The following RDX variants were observed in gnomAD, a reference collection of about 807,000 sequenced individuals.
The protein encoded by RDX is deafness, autosomal recessive 24.
Under a neutral mutation model 83.7 loss-of-function variants are expected in RDX, and 32 were observed. The ratio of observed to expected loss-of-function variants is 0.38; its 90% confidence interval spans 0.29 to 0.51. RDX has a LOEUF of 0.51. Ranked by LOEUF, RDX falls within the 20% of genes least tolerant of loss-of-function variation. The pLI is 0.87. For missense variants in RDX, 600 were observed against 689.9 expected (o/e 0.87, Z 1.46); for synonymous variants, 229 against 222.7 (o/e 1.03, Z -0.25).
Position 110,231,847 on chromosome 11 carries a change from C to T in RDX, c.*22G>A. 1 of 1,611,538 alleles carries T rather than the reference C, an allele frequency of 6.2e-7. No individual in the cohort carries two copies. Among genetic ancestry groups the T allele is most frequent in the Middle Eastern group, 2.2e-4 (1 of 4,494 alleles). On this transcript the variant is annotated 3_prime_UTR_variant, in exon 14 of 14. Coordinates refer to ENST00000645495, the MANE Select transcript of RDX (RefSeq NM_002906.4). ...TGTTGGTGGTTCAGCTTATGAAGAA[C>T]ATATATGCAAAATAACAGCTCTCAC...
intron 1 of RDX, among the ~76,000 whole-genome samples, chr11:110,283,817 A>G (rs930485728): frequency 1.3e-5 from 2 of 152,094 alleles, no homozygotes; most frequent in East Asian, 3.8e-4. Flanking sequence ...AAAACAGATA[A>G]ATATATTTTA....
intron 3 of RDX, 128 bp from the exon 4 acceptor site, chr11:110,265,002 G>T (rs943060238): frequency 3.5e-5 from 20 of 566,180 alleles, no homozygotes; most frequent in Non-Finnish European, 6.1e-5. Flanking sequence ...CATAGAAAAG[G>T]CTTTCCCTAA....
intron 14 of RDX, among the ~76,000 whole-genome samples, chr11:110,224,229 A>AC (rs909987311): frequency 2.0e-5 from 3 of 151,162 alleles, no homozygotes; most frequent in African/African-American, 7.3e-5. Flanking sequence ...ATTAAAAAAA[A>AC]AAAACAAAAA....
At chr11:110,276,877 T>C (rs1208374733) in intron 2 of RDX, among the ~76,000 whole-genome samples, 1 of 152,236 alleles carries the variant, frequency 6.6e-6, no homozygotes, top group East Asian at 1.9e-4. Context: ...GACTATCACT[T>C]GTAGTGAATT....
chr11:110,209,706 A>C (rs6589119), intron 14 of RDX, among the ~76,000 whole-genome samples: 2 of 146,946 alleles, frequency 1.4e-5, no homozygotes, highest in East Asian at 4.2e-4. Flanking sequence ...CCTAACTGGG[A>C]GGCACCCCCC....
chr11:110,206,149 T>A (rs1258869156), intron 14 of RDX, among the ~76,000 whole-genome samples: 1 of 148,976 alleles, frequency 6.7e-6, no homozygotes, highest in Non-Finnish European at 1.5e-5. Context: ...CCCAGCTGCT[T>A]GGGAGGCTGC....
At chr11:110,227,182 G>GA (rs940821491), downstream of RDX, among the ~76,000 whole-genome samples, 1 of 151,726 alleles carries the variant, frequency 6.6e-6, no homozygotes, top group African/African-American at 2.4e-5. Context: ...TATTTAAGTT[G>GA]AAAAAAATAA....
chr11:110,255,305 A>G lies in RDX; in HGVS notation c.779T>C (p.Ile260Thr), dbSNP rs997759369. ...FNDKKFVIKP[I>T]DKKAPDFVFY... is the part of the protein sequence containing the mutation. ...ATTACTTACAGGTGCCTTTTTGTCG[A>G]TTGGCTTTATAACAAATTTTTTGTC... is the stretch of plus-strand genomic sequence containing the variant. The change falls in exon 8 of 14, where the codon ATC becomes ACC. Residue 260 changes from isoleucine to threonine, a missense_variant. Physicochemically the swap from Ile to Thr is moderately conservative, Grantham distance 89. Coordinates refer to ENST00000645495, the MANE Select transcript of RDX (RefSeq NM_002906.4). The G allele has an allele frequency of 1.9e-6, 3 of 1,577,352 alleles. No individual in the cohort carries two copies. Among genetic ancestry groups the G allele is most frequent in the Non-Finnish European group, 2.6e-6 (3 of 1,147,678 alleles).
chr11:110,230,836 T>C lies in RDX; in HGVS notation c.*1033A>G, dbSNP rs1301972203. 2.6e-5 allele frequency: 4 copies of C among 152,616 alleles called. No individual in the cohort carries two copies. Among genetic ancestry groups the C allele is most frequent in the Admixed American group, 2.6e-4 (4 of 15,268 alleles). 9.5% of individuals were successfully genotyped at this position (152,616 alleles called of 1,614,324 possible). A position where few individuals can be genotyped will look rare whatever the true frequency, so the allele number is the denominator to read the frequency against. ...CTATGGTTATGAATTATAAAACATA[T>C]ACCTTACACACTCCATTGTGTTTGA... On this transcript the variant is annotated 3_prime_UTR_variant, in exon 14 of 14. Transcript: ENST00000645495.
At chr11:110,201,262 T>C (rs1000582492) in intron 14 of RDX, among the ~76,000 whole-genome samples, 8 of 152,006 alleles carry the variant, frequency 5.3e-5, no homozygotes, top group South Asian at 2.1e-4. Context: ...TTATTCTCAC[T>C]GTGATTAACT....
chr11:110,255,777 T>C (rs553055463), intron 7 of RDX, among the ~76,000 whole-genome samples: 2 of 152,262 alleles, frequency 1.3e-5, no homozygotes, highest in East Asian at 1.9e-4. Context: ...AAGGCCTTTA[T>C]AACTTCTCAT....
At chr11:110,198,676 A>G (rs1318338627) in intron 15 of RDX, among the ~76,000 whole-genome samples, 1 of 152,114 alleles carries the variant, frequency 6.6e-6, no homozygotes, top group Non-Finnish European at 1.5e-5. Context: ...CCCCAAAACC[A>G]TCCCCTCCAC....
rs1251749976 is a variant in RDX, at chr11:110,254,080, T to C, written c.825A>G (p.Arg275=). ...PDFVFYAPRL[R]INKRILALCM... is the part of the protein sequence containing the mutation. ...ATAAGGCCAAAATCCGCTTATTGATTCTCAGACGAGGTGCATAAAACACAA... is the reference window on the plus strand; with the variant it reads ...ATAAGGCCAAAATCCGCTTATTGATCCTCAGACGAGGTGCATAAAACACAA... The change falls in exon 9 of 14, where the codon AGA becomes AGG. Residue 275 remains arginine, a synonymous_variant. Transcript: ENST00000645495. 4 of 1,613,600 alleles carry C rather than the reference T, an allele frequency of 2.5e-6. No homozygotes were observed. The highest frequency in any genetic ancestry group is 3.4e-6 in the Non-Finnish European group (4 of 1,179,826).
At chr11:110,187,423 G>A (rs1232701458) in intron 15 of RDX, among the ~76,000 whole-genome samples, 2 of 152,160 alleles carry the variant, frequency 1.3e-5, no homozygotes, top group Admixed American at 1.3e-4. Flanking sequence ...GGCATATAGA[G>A]CACCTTCCTA....
chr11:110,275,355 G>A (rs1325987095), intron 2 of RDX, among the ~76,000 whole-genome samples: 1 of 152,174 alleles, frequency 6.6e-6, no homozygotes, highest in Non-Finnish European at 1.5e-5. Context: ...TGCAGAATAA[G>A]TTATACCTTG....
intron 15 of RDX, among the ~76,000 whole-genome samples, chr11:110,189,502 T>C (rs779681380): frequency 2.0e-5 from 3 of 152,144 alleles, no homozygotes; most frequent in Non-Finnish European, 4.4e-5. Flanking sequence ...ATTTGACCAA[T>C]GGGGCCTAAT....
chr11:110,193,341 GAAC>G (rs1477882781), intron 15 of RDX, among the ~76,000 whole-genome samples: 1 of 152,052 alleles, frequency 6.6e-6, no homozygotes, highest in Non-Finnish European at 1.5e-5. Flanking sequence ...ATTAAGATGG[GAAC>G]AACAGACACT....
intron 3 of RDX, among the ~76,000 whole-genome samples, chr11:110,265,868 A>G: frequency 6.6e-6 from 1 of 152,194 alleles, no homozygotes; most frequent in East Asian, 1.9e-4. Flanking sequence ...GACTTTATCT[A>G]TCCTGCTATT....
At chr11:110,287,205 A>C (rs905015574) in intron 1 of RDX, 2 of 152,120 alleles carry the variant, frequency 1.3e-5, no homozygotes, top group Non-Finnish European at 2.9e-5. Flanking sequence ...CAGTCTGGGC[A>C]ATCTACAAAA....
Sources: allele counts gnomAD v4.1 joint callset (sites outside exome capture counted in the v4.1 genomes callset), GRCh38; gene constraint gnomAD v4.1.1; transcripts MANE v1.5; gene names NCBI Gene and HGNC (gene_info 2026-07-23, HGNC 2026-07-21).